The following PPP1R3F variants were observed in gnomAD, a reference collection of about 807,000 sequenced individuals.
The protein encoded by PPP1R3F is protein phosphatase 1 regulatory subunit 3F, also known as protein phosphatase 1, regulatory (inhibitor) subunit 3F.
Under a neutral mutation model 24.2 loss-of-function variants are expected in PPP1R3F, and 29 were observed. That is an observed-to-expected ratio of 1.20 (90% CI 0.89 to 1.63). The LOEUF is 1.63. Ranked by LOEUF, PPP1R3F falls within the 40% of genes most tolerant of loss-of-function variation. The pLI is 0.00. For synonymous variants in PPP1R3F, 363 were observed against 340.1 expected, an observed-to-expected ratio of 1.07 and a Z score of -0.74; for missense variants, 823 against 729.3, an observed-to-expected ratio of 1.13 and a Z score of -1.48.
Position 49,270,022 on chromosome X carries a change from G to A in PPP1R3F, c.153G>A (p.Leu51=), listed in dbSNP as rs2066160893. The change falls in exon 1 of 4, where the codon TTG becomes TTA. Residue 51 remains leucine, a synonymous_variant. Coordinates refer to ENST00000055335, the MANE Select transcript of PPP1R3F (RefSeq NM_033215.5). ...DEALGLPLAQ[L]RRYRPWGGPG... is the part of the protein sequence containing the mutation. Reference sequence around the variant, plus strand: ...CCTTGGGGCTGCCGCTGGCGCAGTTGCGCCGCTACCGGCCGTGGGGCGGGC... The same window carrying A: ...CCTTGGGGCTGCCGCTGGCGCAGTTACGCCGCTACCGGCCGTGGGGCGGGC... 1.1e-6 allele frequency: 1 copy of A among 935,192 alleles called. No individual in the cohort carries two copies. Among genetic ancestry groups the A allele is most frequent in the African/African-American group, 2.0e-5 (1 of 48,933 alleles). 77.1% of individuals were successfully genotyped at this position (935,192 alleles called of 1,213,427 possible).
intron 3 of PPP1R3F, among the ~76,000 whole-genome samples, chrX:49,298,707 G>T (rs782360463): frequency 9.0e-6 from 1 of 110,651 alleles, no homozygotes; most frequent in Non-Finnish European, 1.9e-5. Flanking sequence ...GGCTTTGTTC[G>T]TTCCTTTTTA....
Position 49,286,994 on chromosome X carries a change from G to A in PPP1R3F, c.2304G>A (p.Gly768=). ...GGGGGCCCTTGACCCAGACTCTGGG[G>A]GTCCTGGCCGGGCTAGTGGTGGTCC... The part of the protein sequence containing the change: ...QLRGPLTQTL[G]VLAGLVVVPV... Residue 768 remains glycine (G), a synonymous_variant, in exon 4 of 4, where the codon GGG becomes GGA. Coordinates refer to ENST00000055335, the MANE Select transcript of PPP1R3F (RefSeq NM_033215.5). 1 of 1,211,755 alleles carries A rather than the reference G, an allele frequency of 8.3e-7. No individual in the cohort carries two copies. Among genetic ancestry groups the A allele is most frequent in the Non-Finnish European group, 1.1e-6 (1 of 895,455 alleles).
At chrX:49,281,941 A>G (rs1463598777) in intron 2 of PPP1R3F, 40 bp from the exon 3 acceptor site, 9 of 1,013,559 alleles carry the variant, frequency 8.9e-6, no homozygotes, top group Non-Finnish European at 1.3e-5. Flanking sequence ...ACCTACTTGT[A>G]TGCCTGTCTT....
chrX:49,283,756 C>A (rs911249616), intron 3 of PPP1R3F, among the ~76,000 whole-genome samples: 4 of 110,963 alleles, frequency 3.6e-5, no homozygotes, highest in Non-Finnish European at 5.7e-5. Flanking sequence ...TTTCTTACTC[C>A]ATTTTTATTA....
downstream of PPP1R3F, among the ~76,000 whole-genome samples, chrX:49,288,691 C>T (rs2066300316): frequency 8.9e-6 from 1 of 112,119 alleles, no homozygotes; most frequent in Non-Finnish European, 1.9e-5. Context: ...TGTGTTAGAC[C>T]AGTGGGGAAA....
At chrX:49,282,663 C>A (rs1017202110) in intron 3 of PPP1R3F, among the ~76,000 whole-genome samples, 3 of 108,359 alleles carry the variant, frequency 2.8e-5, no homozygotes, top group Non-Finnish European at 5.7e-5. Flanking sequence ...CCATGACTAA[C>A]GTGTGTGAGG....
chrX:49,290,267 G>A (rs1447890883), downstream of PPP1R3F, among the ~76,000 whole-genome samples: 2 of 111,004 alleles, frequency 1.8e-5, no homozygotes, highest in African/African-American at 6.6e-5. Flanking sequence ...CAATCCCTGG[G>A]CTCCGGGTCT....
At chrX:49,293,348 G>A (rs1487964779) in intron 3 of PPP1R3F, among the ~76,000 whole-genome samples, 2 of 112,360 alleles carry the variant, frequency 1.8e-5, no homozygotes, top group African/African-American at 3.2e-5. Context: ...GGTAGTGTTC[G>A]ATTTGCTTTT....
chrX:49,277,785 C>CA (rs1162070408), intron 1 of PPP1R3F, among the ~76,000 whole-genome samples: 1 of 112,182 alleles, frequency 8.9e-6, no homozygotes, highest in Non-Finnish European at 1.9e-5. Flanking sequence ...GTTGTGTAGT[C>CA]AGTGAGTGTA....
In PPP1R3F at chrX:49,270,186, C is replaced by G. The variant is rs1261536898; in HGVS notation, c.317C>G (p.Pro106Arg). The G allele has an allele frequency of 1.7e-5, 19 of 1,096,764 alleles. No homozygotes were observed. Among genetic ancestry groups the G allele is most frequent in the Non-Finnish European group, 2.2e-5 (19 of 847,358 alleles). The allele number at this position is 1,096,764 out of a possible 1,213,427, so 90.4% of individuals were successfully genotyped here. A position where few individuals can be genotyped will look rare whatever the true frequency, so the allele number is the denominator to read the frequency against. ...TGCCCCGAGCCCTCACCGCTGTGCC[C>G]CGTCCCCGCTGGCGGGGGGTTTTAC... ...EACPEPSPLC[P>R]VPAGGGFYLV... The change falls in exon 1 of 4, where the codon CCC becomes CGC. Residue 106 changes from proline (P) to arginine (R), a missense_variant. Pro to Arg is a moderately radical substitution (Grantham distance 103). Transcript: ENST00000055335.
At position 49,286,086 on chromosome X, in the gene PPP1R3F, G is replaced by A. The variant is rs1398433159; in HGVS notation, c.1396G>A (p.Gly466Arg). 3.4e-6 allele frequency: 4 copies of A among 1,173,716 alleles called. No individual in the cohort carries two copies. Among genetic ancestry groups the A allele is most frequent in the Non-Finnish European group, 3.4e-6 (3 of 875,027 alleles). Residue 466 changes from glycine (G) to arginine (R), a missense_variant, in exon 4 of 4, where the codon GGA (glycine) becomes AGA (arginine). Transcript: ENST00000055335. ...EATWGVSSEN[G>R]GGLEAVSGSE... ...CACATGGGGAGTATCGAGTGAGAAT[G>A]GAGGGGGGCTGGAGGCTGTGAGTGG... is the stretch of plus-strand genomic sequence containing the variant.
chrX:49,287,012 G>A lies in PPP1R3F; in HGVS notation c.2322G>A (p.Val774=), dbSNP rs1557121791. The part of the protein sequence containing the change: ...TQTLGVLAGL[V]VVPVALNSGV... Reference sequence around the variant, plus strand: ...CTCTGGGGGTCCTGGCCGGGCTAGTGGTGGTCCCTGTGGCTCTGAACAGCG... The same window carrying A: ...CTCTGGGGGTCCTGGCCGGGCTAGTAGTGGTCCCTGTGGCTCTGAACAGCG... The change falls in exon 4 of 4, where the codon GTG becomes GTA. Residue 774 remains valine, a synonymous_variant. Coordinates refer to ENST00000055335, the MANE Select transcript of PPP1R3F (RefSeq NM_033215.5). 2 of 1,212,048 alleles carry A rather than the reference G, an allele frequency of 1.7e-6. No homozygotes were observed. The highest frequency in any genetic ancestry group is 3.4e-5 in the African/African-American group (2 of 58,018).
In PPP1R3F at chrX:49,287,771, G is replaced by GGCA. The variant is rs2066296819; in HGVS notation, c.*684_*686dup. ...GTGGTGGGAGCCAGGGAGGAAGAGTGGCAGCCACATGAGGGTTTGGTGTCA... is the reference window on the plus strand; with the variant it reads ...GTGGTGGGAGCCAGGGAGGAAGAGTGGCAGCAGCCACATGAGGGTTTGGTGTCA... On this transcript the variant is annotated 3_prime_UTR_variant, in exon 4 of 4. Coordinates refer to ENST00000055335, the MANE Select transcript of PPP1R3F (RefSeq NM_033215.5). 1 of 111,847 alleles carries GGCA rather than the reference G, an allele frequency of 8.9e-6. No homozygotes were observed. The highest frequency in any genetic ancestry group is 1.9e-5 in the Non-Finnish European group (1 of 53,231). 9.2% of individuals were successfully genotyped at this position (111,847 alleles called of 1,213,427 possible). A position where few individuals can be genotyped will look rare whatever the true frequency, so the allele number is the denominator to read the frequency against.
At chrX:49,282,208 A>G in intron 3 of PPP1R3F, 145 bp downstream of exon 3, 1 of 441,833 alleles carries the variant, frequency 2.3e-6, no homozygotes, top group Non-Finnish European at 3.9e-6. Context: ...CTGATGGGGG[A>G]GGGGGAGAAT....
chrX:49,270,948 A>AC (rs1359381744), intron 1 of PPP1R3F, 75 bp downstream of exon 1: 10 of 1,032,706 alleles, frequency 9.7e-6, no homozygotes, highest in Non-Finnish European at 1.0e-5. Flanking sequence ...CGGCCCAGGA[A>AC]CCCCTCAGGC....
intron 3 of PPP1R3F, among the ~76,000 whole-genome samples, chrX:49,298,996 C>T (rs782015429): frequency 9.0e-6 from 1 of 110,807 alleles, no homozygotes; most frequent in East Asian, 2.9e-4. Flanking sequence ...CCTTCTGAAG[C>T]CTACTTCTGA....
intron 1 of PPP1R3F, among the ~76,000 whole-genome samples, chrX:49,278,816 C>T (rs2066229996): frequency 8.9e-6 from 1 of 112,371 alleles, no homozygotes; most frequent in South Asian, 3.7e-4. Flanking sequence ...AAAGAAAAGC[C>T]TGCATGAAGG....
At position 49,286,364 on chromosome X, in the gene PPP1R3F, C is replaced by T; in HGVS notation, c.1674C>T (p.Ala558=). ...CTGAGGAGATCACGCTGCACTATGC[C>T]CGGCTGGGGCGTGGCGTGGAGCTCA... ...ALAEEITLHY[A]RLGRGVELIK... is the part of the protein sequence containing the mutation. Residue 558 remains alanine (A), a synonymous_variant, in exon 4 of 4, where the codon GCC becomes GCT. Transcript: ENST00000055335. 1 of 1,194,386 alleles carries T rather than the reference C, an allele frequency of 8.4e-7. No individual in the cohort carries two copies. The highest frequency in any genetic ancestry group is 3.0e-5 in the East Asian group (1 of 33,570).
At chrX:49,285,385 G>T (rs1277196194) in intron 3 of PPP1R3F, among the ~76,000 whole-genome samples, 1 of 110,823 alleles carries the variant, frequency 9.0e-6, no homozygotes, top group Non-Finnish European at 1.9e-5. Context: ...TGGTAGAGAC[G>T]GGGTTTCACC....
Sources: allele counts gnomAD v4.1 joint callset (sites outside exome capture counted in the v4.1 genomes callset), GRCh38; gene constraint gnomAD v4.1.1; transcripts MANE v1.5; gene names NCBI Gene and HGNC (gene_info 2026-07-23, HGNC 2026-07-21).